Variants in SEM1 observed in about 807,000 individuals in gnomAD.
The protein encoded by SEM1 is 26S proteasome complex subunit SEM1.
A neutral mutation model predicts 12.7 loss-of-function variants in SEM1; 3 were observed. The observed-to-expected ratio is 0.24, with a 90% CI of 0.11 to 0.61. SEM1 has a LOEUF of 0.61. SEM1 is among the 20% of genes least tolerant of loss of function. The pLI is 0.88. For synonymous variants in SEM1, 30 were observed against 27.8 expected (o/e 1.08, Z -0.25); for missense variants, 59 against 81.3 (o/e 0.73, Z 1.06).
chr7:96,559,219 A>G (rs541091588), intron 2 of SEM1, among the ~76,000 whole-genome samples: 9 of 152,068 alleles, frequency 5.9e-5, no homozygotes, highest in African/African-American at 1.9e-4. Context: ...TATTTTTCCC[A>G]TTTCTATCTA....
At chr7:96,658,699 G>A (rs992892096) in intron 2 of SEM1, among the ~76,000 whole-genome samples, 16 of 152,154 alleles carry the variant, frequency 1.1e-4, no homozygotes, top group Admixed American at 7.9e-4. Context: ...AATGCACAAC[G>A]TGAAGACTTC....
At chr7:96,516,523 A>T (rs1804100091) in intron 2 of SEM1, among the ~76,000 whole-genome samples, 1 of 152,194 alleles carries the variant, frequency 6.6e-6, no homozygotes, top group African/African-American at 2.4e-5. Context: ...AAATTAAAAC[A>T]ACAGTAGGAT....
At chr7:96,594,909 A>T (rs924836756) in intron 2 of SEM1, among the ~76,000 whole-genome samples, 1 of 152,200 alleles carries the variant, frequency 6.6e-6, no homozygotes, top group Non-Finnish European at 1.5e-5. Flanking sequence ...TTCAGATTAA[A>T]ACAAAAGGAG....
At chr7:96,546,049 G>T (rs952760803) in intron 2 of SEM1, among the ~76,000 whole-genome samples, 1 of 152,098 alleles carries the variant, frequency 6.6e-6, no homozygotes, top group Non-Finnish European at 1.5e-5. Flanking sequence ...TGCTCTGCAG[G>T]CTTCTCTGTT....
intron 2 of SEM1, among the ~76,000 whole-genome samples, chr7:96,573,410 G>C (rs1349150290): frequency 6.6e-6 from 1 of 152,156 alleles, no homozygotes; most frequent in Non-Finnish European, 1.5e-5. Context: ...GGTACCGGTT[G>C]TTCCTTTCCA....
intron 2 of SEM1, among the ~76,000 whole-genome samples, chr7:96,511,458 T>A (rs552970367): frequency 2.0e-5 from 3 of 151,930 alleles, no homozygotes; most frequent in Non-Finnish European, 4.4e-5. Flanking sequence ...GAGGAGAGAG[T>A]GTGAGAAGTC....
rs1179324910 is a variant in SEM1 at position 96,697,258 on chromosome 7, C to T, written c.77-2367G>A. ...CCTAATACATAAGTTTCTAGCAATT[C>T]TTATTTTAGACGTTGTCCCAAATTG... On this transcript the variant is annotated intron_variant, in intron 1 of 2. Transcript: ENST00000248566. 2.0e-5 allele frequency: 3 copies of T among 151,432 alleles called. No individual in the cohort carries two copies. In the East Asian group the frequency reaches 5.8e-4, roughly 29 times the overall value. 9.4% of individuals were successfully genotyped at this position (151,432 alleles called of 1,614,324 possible). A position where few individuals can be genotyped will look rare whatever the true frequency, so the allele number is the denominator to read the frequency against.
chr7:96,554,773 A>G (rs996591439), intron 2 of SEM1, among the ~76,000 whole-genome samples: 6 of 151,358 alleles, frequency 4.0e-5, no homozygotes, highest in African/African-American at 1.5e-4. Flanking sequence ...AAGGAATGGT[A>G]CCAGTTCCTC....
intron 2 of SEM1, chr7:96,653,925 ATTTC>A (rs1399089971): frequency 6.6e-6 from 1 of 152,164 alleles, no homozygotes; most frequent in Non-Finnish European, 1.5e-5. Context: ...AATAGTGTCT[ATTTC>A]TTTATGCAAT....
chr7:96,556,017 G>A (rs1805482067), intron 2 of SEM1, among the ~76,000 whole-genome samples: 1 of 91,582 alleles, frequency 1.1e-5, no homozygotes, highest in South Asian at 3.6e-4. Flanking sequence ...TGCAACCCCT[G>A]CCTTTTTTTG....
chr7:96,635,130 A>C (rs1288994989), intron 2 of SEM1, among the ~76,000 whole-genome samples: 3 of 152,168 alleles, frequency 2.0e-5, no homozygotes, highest in Non-Finnish European at 4.4e-5. Context: ...AGGAAAAGTC[A>C]AAAAGATTGA....
At chr7:96,570,427 C>T (rs537811197) in intron 2 of SEM1, among the ~76,000 whole-genome samples, 109 of 151,760 alleles carry the variant, frequency 7.2e-4, no homozygotes, top group African/African-American at 2.4e-3. Flanking sequence ...CTCCCACTTA[C>T]GAGTGAGAAC....
At chr7:96,559,881 A>G (rs12539556) in intron 2 of SEM1, among the ~76,000 whole-genome samples, 91,982 of 152,082 alleles carry the variant, frequency 0.6, 29,193 homozygotes, top group East Asian at 0.76. Flanking sequence ...AAGCCTTTGC[A>G]AGTCCTGCTG....
chr7:96,687,746 C>A (rs1039545008), downstream of SEM1, among the ~76,000 whole-genome samples: 1 of 151,646 alleles, frequency 6.6e-6, no homozygotes, highest in Non-Finnish European at 1.5e-5. Context: ...AACTAACCTG[C>A]ACATTGTGCA....
intron 1 of SEM1, among the ~76,000 whole-genome samples, chr7:96,493,734 C>T (rs938137104): frequency 1.3e-5 from 2 of 152,136 alleles, no homozygotes; most frequent in African/African-American, 4.8e-5. Flanking sequence ...ATCTGTGCAA[C>T]ACTATTTACC....
At chr7:96,573,646 G>A (rs1806111324) in intron 2 of SEM1, among the ~76,000 whole-genome samples, 1 of 152,148 alleles carries the variant, frequency 6.6e-6, no homozygotes, top group African/African-American at 2.4e-5. Flanking sequence ...CTGTTAGTCT[G>A]ATGGGCTTCC....
intron 2 of SEM1, among the ~76,000 whole-genome samples, chr7:96,651,460 A>G (rs1302341687): frequency 2.0e-5 from 3 of 152,214 alleles, no homozygotes; most frequent in Admixed American, 1.3e-4. Context: ...GAACTAGGAC[A>G]GAGTCAAAGG....
At chr7:96,650,825 A>C (rs1202010928) in intron 2 of SEM1, among the ~76,000 whole-genome samples, 1 of 152,112 alleles carries the variant, frequency 6.6e-6, no homozygotes, top group Non-Finnish European at 1.5e-5. Flanking sequence ...TATCAGGTTA[A>C]TTTCATCTGT....
intron 2 of SEM1, among the ~76,000 whole-genome samples, chr7:96,605,592 G>A (rs1807326596): frequency 6.6e-6 from 1 of 152,104 alleles, no homozygotes; most frequent in African/African-American, 2.4e-5. Context: ...CTATTCATCT[G>A]TTTCCAGAAT....
Sources: allele counts gnomAD v4.1 joint callset (sites outside exome capture counted in the v4.1 genomes callset), GRCh38; gene constraint gnomAD v4.1.1; transcripts MANE v1.5; gene names NCBI Gene and HGNC (gene_info 2026-07-23, HGNC 2026-07-21).